MEGF11: variants seen among roughly 807,000 people sequenced by gnomAD.
MEGF11 encodes the protein multiple epidermal growth factor-like domains protein 11.
In MEGF11, 126 loss-of-function variants were observed where a neutral mutation model predicts 146.6. The observed-to-expected ratio is 0.86, with a 90% confidence interval of 0.74 to 1.00. The LOEUF (loss-of-function observed/expected upper bound fraction) is 1.00. MEGF11 is among the 50% of genes least tolerant of loss of function. The probability of loss-of-function intolerance (pLI) is 0.00; values close to 1 mark genes in which losing one functional copy is unlikely to be tolerated. For missense variants in MEGF11, 1,509 were observed against 1,521.2 expected, an observed-to-expected ratio of 0.99 and a Z score of 0.13; for synonymous variants, 532 against 583.4, an observed-to-expected ratio of 0.91 and a Z score of 1.27.
chr15:65,962,439 G>C (rs901142914), intron 9 of MEGF11, among the ~76,000 whole-genome samples: 30 of 152,094 alleles, frequency 2.0e-4, no homozygotes, highest in African/African-American at 6.8e-4. Context: ...GTAGAGGCCA[G>C]GGATGCTGCT....
At chr15:66,006,669 CT>C (rs2082530140) in intron 5 of MEGF11, among the ~76,000 whole-genome samples, 1 of 152,204 alleles carries the variant, frequency 6.6e-6, no homozygotes, top group South Asian at 2.1e-4. Context: ...TGTCATTCTG[CT>C]TTTTGTTCCA....
intron 9 of MEGF11, among the ~76,000 whole-genome samples, chr15:65,960,650 G>GAGATTCTAA (rs1316623483): frequency 1.2e-4 from 18 of 152,252 alleles, no homozygotes; most frequent in Admixed American, 2.6e-4. Flanking sequence ...CTGAGCACTG[G>GAGATTCTAA]AGATTCTAAA....
Position 66,123,933 on chromosome 15 carries a change from C to A in MEGF11, c.166G>T (p.Asp56Tyr), listed in dbSNP as rs1274049761. ...GTGCACTTGAACCAGTTGAGGATGT[C>A]TGTGCATCGTGTGTAATAGATCTGA... ...FDQIYYTRCT[D>Y]ILNWFKCTRH... The change falls in exon 3 of 26, where the codon GAC becomes TAC. Residue 56 changes from aspartate (D) to tyrosine (Y), a missense_variant. Asp to Tyr is a radical substitution (Grantham distance 160, BLOSUM62 -3). Coordinates refer to ENST00000395614, the MANE Select transcript of MEGF11 (RefSeq NM_001385028.1). 1.9e-6 allele frequency: 3 copies of A among 1,614,024 alleles called. 1 individual carries two copies. The East Asian group carries it at 6.7e-5, about 36-fold the overall frequency.
Position 65,898,834 on chromosome 15 carries a change from C to G in MEGF11, c.3156G>C (p.Lys1052Asn). The G allele has an allele frequency of 6.2e-7, 1 of 1,613,996 alleles. No homozygotes were observed. Among genetic ancestry groups the G allele is most frequent in the Non-Finnish European group, 8.5e-7 (1 of 1,179,868 alleles). Reference protein sequence around the residue: ...TIKDPPILTCKLPESSYVEMK... With the variant: ...TIKDPPILTCNLPESSYVEMK... ...TTTCTACATAGCTGCTTTCTGGAAG[C>G]TTGCAGGTGAGGATGGGTGGGTCCT... Residue 1052 changes from lysine (K) to asparagine (N), a missense_variant, in exon 25 of 26, where the codon AAG becomes AAC. Physicochemically the swap from Lys to Asn is moderately conservative, Grantham distance 94. Coordinates refer to ENST00000395614, the MANE Select transcript of MEGF11 (RefSeq NM_001385028.1).
intron 5 of MEGF11, among the ~76,000 whole-genome samples, chr15:66,053,772 G>GGCT (rs1395745643): frequency 1.5e-5 from 2 of 136,950 alleles, no homozygotes; most frequent in South Asian, 2.3e-4. Flanking sequence ...CTGTTGCTCA[G>GGCT]GCTGGAGTGC....
chr15:66,150,090 C>T (rs2089508318), intron 1 of MEGF11, among the ~76,000 whole-genome samples: 2 of 152,228 alleles, frequency 1.3e-5, no homozygotes, highest in African/African-American at 2.4e-5. Context: ...GGAGAAGCAG[C>T]CCCCACATCC....
intron 1 of MEGF11, among the ~76,000 whole-genome samples, chr15:66,170,871 C>T (rs2141113777): frequency 6.6e-6 from 1 of 152,270 alleles, no homozygotes; most frequent in East Asian, 1.9e-4. Context: ...CAGTAACTGC[C>T]TAATGCCAGA....
At chr15:65,971,759 A>C (rs1341770018) in intron 7 of MEGF11, among the ~76,000 whole-genome samples, 1 of 152,174 alleles carries the variant, frequency 6.6e-6, no homozygotes, top group East Asian at 1.9e-4. Flanking sequence ...TCACTGTAAA[A>C]CATGAACAGA....
At chr15:66,031,243 T>G (rs945761144) in intron 5 of MEGF11, among the ~76,000 whole-genome samples, 1 of 152,220 alleles carries the variant, frequency 6.6e-6, no homozygotes, top group Non-Finnish European at 1.5e-5. Flanking sequence ...TAACATCTGA[T>G]ATGCCCCAGT....
At chr15:66,114,822 C>G (rs1287392165) in intron 4 of MEGF11, among the ~76,000 whole-genome samples, 1 of 152,198 alleles carries the variant, frequency 6.6e-6, no homozygotes, top group Non-Finnish European at 1.5e-5. Context: ...TTCAGGAGGG[C>G]TCCCAGATGA....
At chr15:66,142,880 C>T (rs535626811) in intron 1 of MEGF11, among the ~76,000 whole-genome samples, 1 of 152,288 alleles carries the variant, frequency 6.6e-6, no homozygotes, top group Non-Finnish European at 1.5e-5. Context: ...TTGAGTTTTC[C>T]AGCAGCATCC....
At chr15:66,074,422 G>A (rs2085494065) in intron 5 of MEGF11, among the ~76,000 whole-genome samples, 1 of 152,192 alleles carries the variant, frequency 6.6e-6, no homozygotes. Flanking sequence ...CTTCCCTCTT[G>A]AGGGACCTGT....
chr15:65,947,676 G>A (rs933042232), intron 10 of MEGF11, among the ~76,000 whole-genome samples: 1 of 152,176 alleles, frequency 6.6e-6, no homozygotes, highest in African/African-American at 2.4e-5. Flanking sequence ...CTCTAGAATT[G>A]GTGAGGTCAG....
chr15:66,115,860 G>A (rs2087700835), intron 4 of MEGF11, among the ~76,000 whole-genome samples: 1 of 152,194 alleles, frequency 6.6e-6, no homozygotes. Flanking sequence ...CAAGGAGAGA[G>A]GCTGGAACAG....
chr15:65,992,471 T>C (rs2082082437), intron 5 of MEGF11, among the ~76,000 whole-genome samples: 1 of 146,634 alleles, frequency 6.8e-6, no homozygotes, highest in Admixed American at 6.9e-5. Context: ...GTTAGTCACA[T>C]CCTGAGGCAC....
In MEGF11 at chr15:65,970,564, G is replaced by A. The variant is rs1001809844; in HGVS notation, c.888C>T (p.Tyr296=). 6 of 1,613,964 alleles carry A rather than the reference G, an allele frequency of 3.7e-6. No homozygotes were observed. The highest frequency in any genetic ancestry group is 5.1e-6 in the Non-Finnish European group (6 of 1,179,854). The change falls in exon 8 of 26, where the codon TAC becomes TAT. Residue 296 remains tyrosine, a synonymous_variant. Coordinates refer to ENST00000395614, the MANE Select transcript of MEGF11 (RefSeq NM_001385028.1). ...AACACTATCCTTACCTGTCCCCCAT[G>A]TATCCAGCTGTACAGTGGCACTGTC... The part of the protein sequence containing the change: ...VTGQCHCTAG[Y]MGDRCQEECP...
intron 1 of MEGF11, among the ~76,000 whole-genome samples, chr15:66,130,883 A>G (rs1401117649): frequency 1.3e-5 from 2 of 152,212 alleles, no homozygotes; most frequent in Non-Finnish European, 2.9e-5. Flanking sequence ...GACAGATCCC[A>G]AAGACATATG....
intron 7 of MEGF11, among the ~76,000 whole-genome samples, chr15:65,978,131 T>TG (rs1389268593): frequency 6.6e-6 from 1 of 152,196 alleles, no homozygotes; most frequent in African/African-American, 2.4e-5. Flanking sequence ...CCTGGGTCTT[T>TG]GGGGAGGTGC....
chr15:65,926,543 G>A (rs2079377986), intron 13 of MEGF11, among the ~76,000 whole-genome samples: 1 of 152,246 alleles, frequency 6.6e-6, no homozygotes, highest in Non-Finnish European at 1.5e-5. Context: ...GCCAAGGAAT[G>A]AGCGGTGTGC....
Sources: allele counts gnomAD v4.1 joint callset (sites outside exome capture counted in the v4.1 genomes callset), GRCh38; gene constraint gnomAD v4.1.1; transcripts MANE v1.5; gene names NCBI Gene and HGNC (gene_info 2026-07-23, HGNC 2026-07-21).